The following MDGA2 variants were observed in gnomAD, a reference collection of about 807,000 sequenced individuals.
MDGA2 encodes the protein MAM domain-containing glycosylphosphatidylinositol anchor protein 2.
MDGA2 carries 40 observed loss-of-function variants against 117.8 expected under a neutral mutation model. The ratio of observed to expected loss-of-function variants is 0.34; its 90% CI spans 0.26 to 0.44. The LOEUF is 0.44. Among genes scored for constraint, MDGA2 ranks in the 20% least tolerant of loss-of-function variants. The pLI is 1.00. For synonymous variants in MDGA2, 452 were observed against 439.0 expected (o/e 1.03, Z -0.37); for missense variants, 1,123 against 1,250.6 (o/e 0.90, Z 1.54).
chr14:47,669,114 A>G (rs1372044071), intron 1 of MDGA2, among the ~76,000 whole-genome samples: 2 of 152,240 alleles, frequency 1.3e-5, no homozygotes, highest in Non-Finnish European at 2.9e-5. Context: ...ACATTAAAAT[A>G]ATAAGTTTTA....
chr14:46,852,379 C>A (rs972470833), intron 15 of MDGA2, among the ~76,000 whole-genome samples: 2 of 150,398 alleles, frequency 1.3e-5, no homozygotes, highest in Non-Finnish European at 3.0e-5. Flanking sequence ...GGCCATGGTG[C>A]AAGTAGAGGA....
At chr14:47,039,441 C>A (rs989107053) in intron 7 of MDGA2, among the ~76,000 whole-genome samples, 8 of 152,112 alleles carry the variant, frequency 5.3e-5, no homozygotes, top group Admixed American at 6.6e-5. Flanking sequence ...CTTTTCATGG[C>A]CATAGGCAGT....
intron 10 of MDGA2, among the ~76,000 whole-genome samples, chr14:46,906,206 T>A (rs1300354277): frequency 1.3e-5 from 2 of 151,834 alleles, no homozygotes; most frequent in Non-Finnish European, 2.9e-5. Flanking sequence ...TGAAATGATT[T>A]CATAAATTTA....
At chr14:47,393,999 T>C (rs572820784) in intron 1 of MDGA2, among the ~76,000 whole-genome samples, 1 of 152,276 alleles carries the variant, frequency 6.6e-6, no homozygotes, top group East Asian at 1.9e-4. Context: ...TAAGTTTGTT[T>C]AATCATGTTC....
In MDGA2 at chr14:47,594,900, A is replaced by G. The variant is rs529290528; in HGVS notation, c.280+79617T>C. On this transcript the variant is annotated intron_variant, in intron 1 of 16. Transcript: ENST00000399232. ...AAAGACTGTATGGTGTAGATCACAA[A>G]TTATCTATCAACTCCCTGATTTCCT... is the stretch of plus-strand genomic sequence containing the variant. 3.7e-5 allele frequency among the ~76,000 whole-genome samples: 4 copies of G among 108,736 alleles called. 1 individual carries two copies. The highest frequency in any genetic ancestry group is 1.4e-4 in the African/African-American group (4 of 28,382). 71.3% of individuals were successfully genotyped at this position (108,736 alleles called of 152,430 possible). A position where few individuals can be genotyped will look rare whatever the true frequency, so the allele number is the denominator to read the frequency against.
chr14:47,663,537 A>T (rs544491742), intron 1 of MDGA2, among the ~76,000 whole-genome samples: 11 of 152,336 alleles, frequency 7.2e-5, no homozygotes, highest in African/African-American at 2.6e-4. Flanking sequence ...GCCAAAGAAA[A>T]CGATTGCATT....
chr14:47,236,381 T>C lies in MDGA2; in HGVS notation c.421-18186A>G, dbSNP rs145255500. 4.7e-3 allele frequency among the ~76,000 whole-genome samples: 708 copies of C among 151,808 alleles called. 5 individuals carry two copies. The highest frequency in any genetic ancestry group is 0.012 in the African/African-American group (494 of 41,354). On this transcript the variant is annotated intron_variant, in intron 2 of 16. Transcript: ENST00000399232. ...CCAAGACCAAAGCTGAAGGATACAC[T>C]TAAGCCTAGTAGGAAATGTGTAGGA... is the stretch of plus-strand genomic sequence containing the variant.
At chr14:47,566,841 C>G (rs750957924) in intron 1 of MDGA2, among the ~76,000 whole-genome samples, 4 of 151,838 alleles carry the variant, frequency 2.6e-5, no homozygotes, top group Non-Finnish European at 5.9e-5. Flanking sequence ...GTATGCTAGT[C>G]TTCCTGGTGT....
intron 3 of MDGA2, among the ~76,000 whole-genome samples, chr14:47,169,985 T>C (rs72680226): frequency 7.2e-5 from 11 of 152,176 alleles, no homozygotes; most frequent in Non-Finnish European, 1.5e-4. Context: ...GCCAAGACAA[T>C]ACGATGAATT....
chr14:47,551,013 T>C lies in MDGA2; in HGVS notation c.280+123504A>G, dbSNP rs546967826. On this transcript the variant is annotated intron_variant, in intron 1 of 16. Transcript: ENST00000399232. ...CAACCTAGCCTTTTTAAAGCACAAA[T>C]AGAGTCTTATTAATTTACACTTTTG... Among the ~76,000 whole-genome samples, 12 of 152,248 alleles carry C rather than the reference T, an allele frequency of 7.9e-5. No homozygotes were observed. In the South Asian group the frequency reaches 2.5e-3, roughly 32 times the overall value.
chr14:47,611,118 C>A (rs879263436), intron 1 of MDGA2, among the ~76,000 whole-genome samples: 2 of 152,010 alleles, frequency 1.3e-5, no homozygotes, highest in African/African-American at 4.8e-5. Flanking sequence ...AAAGGACAGC[C>A]TATTCAAAAA....
chr14:47,374,997 G>A (rs1891444860), intron 1 of MDGA2, among the ~76,000 whole-genome samples: 1 of 151,594 alleles, frequency 6.6e-6, no homozygotes, highest in African/African-American at 2.4e-5. Flanking sequence ...CTTTAATTTT[G>A]AAGTCAAATA....
At chr14:47,442,165 T>G (rs1304399968) in intron 1 of MDGA2, among the ~76,000 whole-genome samples, 1 of 152,160 alleles carries the variant, frequency 6.6e-6, no homozygotes, top group Non-Finnish European at 1.5e-5. Context: ...GAGGATACTT[T>G]GAGTTCTTGT....
chr14:47,157,595 ATGTGTGTGTGTGTGTGTGTGTGTG>A (rs55697311), intron 3 of MDGA2, among the ~76,000 whole-genome samples: 8 of 144,436 alleles, frequency 5.5e-5, no homozygotes, highest in African/African-American at 5.2e-5. Flanking sequence ...ATGTACATAT[ATGTGTGTGTGTGTGTGTGTGTGTG>A]TGTGTGTGTG....
chr14:47,502,738 G>A (rs1012612957), intron 1 of MDGA2, among the ~76,000 whole-genome samples: 1 of 152,034 alleles, frequency 6.6e-6, no homozygotes, highest in Non-Finnish European at 1.5e-5. Context: ...GCAGTGGCGT[G>A]ATCATAGATC....
intron 1 of MDGA2, among the ~76,000 whole-genome samples, chr14:47,400,021 A>C (rs1023814661): frequency 6.6e-6 from 1 of 152,204 alleles, no homozygotes; most frequent in Non-Finnish European, 1.5e-5. Context: ...TCCCCTGACA[A>C]TGTTCTTCCA....
rs559907702 is a variant in MDGA2, at chr14:47,224,708, G to A, written c.421-6513C>T. Reference sequence around the variant, plus strand: ...TCACCTGATCTGCTATAATTATTGGGATGATCTGCCACCAGAGCCTTGGGA... The same window carrying A: ...TCACCTGATCTGCTATAATTATTGGAATGATCTGCCACCAGAGCCTTGGGA... On this transcript the variant is annotated intron_variant, in intron 2 of 16. Coordinates refer to ENST00000399232, the MANE Select transcript of MDGA2 (RefSeq NM_001113498.3). Among the ~76,000 whole-genome samples, 3 of 152,248 alleles carry A rather than the reference G, an allele frequency of 2.0e-5. No homozygotes were observed. The South Asian group carries it at 6.2e-4, about 32-fold the overall frequency.
In MDGA2 at chr14:47,109,424, A is replaced by G. The variant is rs139870330; in HGVS notation, c.926-12301T>C. Among the ~76,000 whole-genome samples, 22 of 152,100 alleles carry G rather than the reference A, an allele frequency of 1.4e-4. No individual in the cohort carries two copies. The East Asian group carries it at 4.3e-3, about 29-fold the overall frequency. ...TTGTGTGAGAATAGCTCTTTATAAT[A>G]CCCCCTCATTAGGACATTTGCCCCT... On this transcript the variant is annotated intron_variant, in intron 5 of 16. Transcript: ENST00000399232.
intron 8 of MDGA2, among the ~76,000 whole-genome samples, chr14:46,980,382 A>G (rs983987600): frequency 2.6e-5 from 4 of 152,190 alleles, no homozygotes; most frequent in Non-Finnish European, 4.4e-5. Flanking sequence ...GTTGTTTTTT[A>G]TGGAGAAGCA....
Sources: gnomAD v4.1 joint callset for allele counts (sites outside exome capture counted in the v4.1 genomes callset) on GRCh38, gnomAD v4.1.1 for gene constraint, MANE v1.5 for transcripts, NCBI Gene and HGNC (gene_info 2026-07-23, HGNC 2026-07-21) for gene names.